Variants in POTED observed in about 807,000 individuals in gnomAD.
The protein encoded by POTED is POTE ankyrin domain family member D.
POTED carries 7 observed loss-of-function variants against 19.0 expected under a neutral mutation model. The ratio of observed to expected loss-of-function variants is 0.37; its 90% CI spans 0.21 to 0.69. The LOEUF is 0.69. POTED is among the 30% of genes least tolerant of loss of function. The probability of loss-of-function intolerance (pLI) is 0.56; values close to 1 mark genes in which losing one functional copy is unlikely to be tolerated. For missense variants in POTED, 54 were observed against 278.5 expected (o/e 0.19, Z 5.74); for synonymous variants, 16 against 92.0 (o/e 0.17, Z 4.73).
chr21:13,637,004 A>ATATTTT (rs1481200854), intron 9 of POTED, among the ~76,000 whole-genome samples: 1 of 16,468 alleles, frequency 6.1e-5, no homozygotes, highest in Non-Finnish European at 9.7e-5. Context: ...ATATATATAT[A>ATATTTT]TTTTTTTTTT....
Position 13,637,564 on chromosome 21 carries a change from A to G in POTED, c.1410-1951A>G, listed in dbSNP as rs554803704. ...TTCATAATTTGCCCATATTTTCCCC[A>G]TTGTATAGGTTGTTGGCTCACTTTG... is the stretch of plus-strand genomic sequence containing the variant. On this transcript the variant is annotated intron_variant, in intron 9 of 10. Transcript: ENST00000299443. Among the ~76,000 whole-genome samples the G allele has an allele frequency of 2.7e-3, 173 of 63,666 alleles. 53 individuals carry two copies. Among genetic ancestry groups the G allele is most frequent in the South Asian group, 3.6e-3 (7 of 1,956 alleles). The allele number at this position is 63,666 out of a possible 152,430, so 41.8% of individuals were successfully genotyped here.
Position 13,612,874 on chromosome 21 carries a change from G to GA in POTED, c.521+2131dup, listed in dbSNP as rs2011146212. Among the ~76,000 whole-genome samples, 2 of 76,310 alleles carry GA rather than the reference G, an allele frequency of 2.6e-5. 1 individual carries two copies. Among genetic ancestry groups the GA allele is most frequent in the Non-Finnish European group, 4.5e-5 (2 of 44,096 alleles). The allele number at this position is 76,310 out of a possible 152,430, so 50.1% of individuals were successfully genotyped here. ...AGATGTACTTTGCTATATCAAGTGAGAAAAAATCAGTTTGTTATACATATA... is the reference window on the plus strand; with the variant it reads ...AGATGTACTTTGCTATATCAAGTGAGAAAAAAATCAGTTTGTTATACATATA... On this transcript the variant is annotated intron_variant, in intron 1 of 10. Coordinates refer to ENST00000299443, the MANE Select transcript of POTED (RefSeq NM_174981.6).
chr21:13,637,142 G>T lies in POTED; in HGVS notation c.1410-2373G>T, dbSNP rs555350662. ...GAGAGTATGATTTCTTTTATTTTGG[G>T]TAGGTATCCAGAAATGAGAACGCTG... On this transcript the variant is annotated intron_variant, in intron 9 of 10. Transcript: ENST00000299443. Among the ~76,000 whole-genome samples, 28 of 71,092 alleles carry T rather than the reference G, an allele frequency of 3.9e-4. 8 individuals carry two copies. In the South Asian group the frequency reaches 0.01, roughly 25 times the overall value. 46.6% of individuals were successfully genotyped at this position (71,092 alleles called of 152,430 possible). A position where few individuals can be genotyped will look rare whatever the true frequency, so the allele number is the denominator to read the frequency against.
chr21:13,610,692 A>C lies in POTED; in HGVS notation c.464A>C (p.Lys155Thr), dbSNP rs1231948188. The C allele has an allele frequency of 1.9e-6, 2 of 1,076,014 alleles. 1 individual carries two copies. Among genetic ancestry groups the C allele is most frequent in the East Asian group, 1.5e-4 (2 of 13,586 alleles). 66.7% of individuals were successfully genotyped at this position (1,076,014 alleles called of 1,614,324 possible). The change falls in exon 1 of 11, where the codon AAG becomes ACG. Residue 155 changes from lysine (K) to threonine (T), a missense_variant. Physicochemically the swap from Lys to Thr is moderately conservative, Grantham distance 78. This residue lies in a region of POTED where 38 missense variants were observed against 163.8 expected (regional missense o/e 0.23). Transcript: ENST00000299443. ...RAAWWGKVPR[K>T]DLIVMLRDTD... ...GCCTGGTGGGGTAAAGTCCCCAGAA[A>C]GGATCTCATCGTCATGCTCAGGGAC... is the stretch of plus-strand genomic sequence containing the variant.
At chr21:13,629,742 T>G (rs1321463857) in intron 7 of POTED, 114 bp from the exon 8 acceptor site, 2 of 105,912 alleles carry the variant, frequency 1.9e-5, no homozygotes, top group Non-Finnish European at 4.1e-5. Flanking sequence ...TTTCTAATTT[T>G]TCATGTCCAT....
chr21:13,612,496 AATAAAT>A (rs1171027129), intron 1 of POTED, among the ~76,000 whole-genome samples: 2 of 81,850 alleles, frequency 2.4e-5, no homozygotes, highest in Non-Finnish European at 4.3e-5. Flanking sequence ...AAAATAAATA[AATAAAT>A]ATAAAGGAAT....
Position 13,645,375 on chromosome 21 carries a change from A to G in POTED, c.*3809A>G, listed in dbSNP as rs1023663831. ...CAACATCACCTGCAAAGGGAATTCC[A>G]TCAGATTTAGCAGACCTCTCAACTG... On this transcript the variant is annotated 3_prime_UTR_variant, in exon 11 of 11. Transcript: ENST00000299443. Among the ~76,000 whole-genome samples, 1 of 131,674 alleles carries G rather than the reference A, an allele frequency of 7.6e-6. No homozygotes were observed. The highest frequency in any genetic ancestry group is 1.6e-5 in the Non-Finnish European group (1 of 61,198). The allele number at this position is 131,674 out of a possible 152,430, so 86.4% of individuals were successfully genotyped here.
intron 1 of POTED, among the ~76,000 whole-genome samples, chr21:13,612,235 G>T (rs2011143897): frequency 1.5e-5 from 1 of 68,472 alleles, no homozygotes; most frequent in South Asian, 4.5e-4. Context: ...ACTTTGGGAG[G>T]CCAAGGCAAG....
Position 13,643,281 on chromosome 21 carries a change from G to C in POTED, c.*1715G>C, listed in dbSNP as rs1489527835. On this transcript the variant is annotated 3_prime_UTR_variant, in exon 11 of 11. Transcript: ENST00000299443. ...GACAAGGAAAGTGGTGGAGCAGCAA[G>C]TCAGCTGATGTGGAGCCCGGAGGGC... Among the ~76,000 whole-genome samples, 4 of 35,764 alleles carry C rather than the reference G, an allele frequency of 1.1e-4. 1 individual carries two copies. The highest frequency in any genetic ancestry group is 1.7e-4 in the Non-Finnish European group (4 of 23,082). 23.5% of individuals were successfully genotyped at this position (35,764 alleles called of 152,430 possible). A position where few individuals can be genotyped will look rare whatever the true frequency, so the allele number is the denominator to read the frequency against.
chr21:13,631,487 C>G (rs536812262), intron 9 of POTED, among the ~76,000 whole-genome samples: 1 of 78,440 alleles, frequency 1.3e-5, no homozygotes, highest in Non-Finnish European at 2.2e-5. Context: ...GGTCATCTCC[C>G]TCCTGCCACA....
rs1382187703 is a variant in POTED at position 13,629,653 on chromosome 21, T to C, written c.1198-203T>C. ...CAGAAGCCAATGATGTGGCAGTTGCTAAACATAGATTAAAAAATTAATTCT... is the reference window on the plus strand; with the variant it reads ...CAGAAGCCAATGATGTGGCAGTTGCCAAACATAGATTAAAAAATTAATTCT... On this transcript the variant is annotated intron_variant, in intron 7 of 10. Coordinates refer to ENST00000299443, the MANE Select transcript of POTED (RefSeq NM_174981.6). 2.0e-5 allele frequency among the ~76,000 whole-genome samples: 2 copies of C among 97,698 alleles called. 1 individual carries two copies. Among genetic ancestry groups the C allele is most frequent in the Non-Finnish European group, 4.0e-5 (2 of 49,494 alleles). 64.1% of individuals were successfully genotyped at this position (97,698 alleles called of 152,430 possible).
intron 9 of POTED, among the ~76,000 whole-genome samples, chr21:13,636,992 G>A (rs1191396927): frequency 7.6e-5 from 1 of 13,084 alleles, no homozygotes; most frequent in Non-Finnish European, 1.2e-4. Context: ...CCAGTCTCAG[G>A]TATATATATA....
At position 13,639,707 on chromosome 21, in the gene POTED, G is replaced by C. The variant is rs1263996861; in HGVS notation, c.1533+69G>C. 2.8e-5 allele frequency: 14 copies of C among 508,500 alleles called. 4 individuals carry two copies. The highest frequency in any genetic ancestry group is 3.2e-5 in the Non-Finnish European group (12 of 372,672). 31.5% of individuals were successfully genotyped at this position (508,500 alleles called of 1,614,324 possible). On this transcript the variant is annotated intron_variant, in intron 10 of 10. Coordinates refer to ENST00000299443, the MANE Select transcript of POTED (RefSeq NM_174981.6). Reference sequence around the variant, plus strand: ...ATTTTTAAAAAGCTTTATTTTGGAAGGTATAAAGGATTTTTAAATCACATA... The same window carrying C: ...ATTTTTAAAAAGCTTTATTTTGGAACGTATAAAGGATTTTTAAATCACATA...
In POTED at chr21:13,616,197, T is replaced by G. The variant is rs1297846100; in HGVS notation, c.810+627T>G. ...TGTTACTGTTGTTCATTCATTTGTT[T>G]CCTTTATATGGTGAGACAGGGTTCT... On this transcript the variant is annotated intron_variant, in intron 3 of 10. Coordinates refer to ENST00000299443, the MANE Select transcript of POTED (RefSeq NM_174981.6). 3.3e-5 allele frequency among the ~76,000 whole-genome samples: 3 copies of G among 90,844 alleles called. 1 individual carries two copies. The highest frequency in any genetic ancestry group is 1.6e-4 in the African/African-American group (3 of 18,916). The allele number at this position is 90,844 out of a possible 152,430, so 59.6% of individuals were successfully genotyped here. A position where few individuals can be genotyped will look rare whatever the true frequency, so the allele number is the denominator to read the frequency against.
In POTED at chr21:13,645,114, T is replaced by C. The variant is rs545110258; in HGVS notation, c.*3548T>C. On this transcript the variant is annotated 3_prime_UTR_variant, in exon 11 of 11. Coordinates refer to ENST00000299443, the MANE Select transcript of POTED (RefSeq NM_174981.6). ...GGGATTATATAAACGACCAAATCTA[T>C]GACTGATTAATGTACCTGAAAGAGA... is the stretch of plus-strand genomic sequence containing the variant. Among the ~76,000 whole-genome samples, 6 of 128,446 alleles carry C rather than the reference T, an allele frequency of 4.7e-5. No individual in the cohort carries two copies. The highest frequency in any genetic ancestry group is 1.5e-4 in the Admixed American group (2 of 13,444). The allele number at this position is 128,446 out of a possible 152,430, so 84.3% of individuals were successfully genotyped here.
At position 13,640,513 on chromosome 21, in the gene POTED, T is replaced by C; in HGVS notation, c.1534-832T>C. ...AAGACCTGGCAAAAATCCTGCACGT[T>C]GCATATATACGTGTGTGTGTGTGTG... On this transcript the variant is annotated intron_variant, in intron 10 of 10. Coordinates refer to ENST00000299443, the MANE Select transcript of POTED (RefSeq NM_174981.6). 2.4e-5 allele frequency among the ~76,000 whole-genome samples: 2 copies of C among 81,708 alleles called. 1 individual carries two copies. Among genetic ancestry groups the C allele is most frequent in the East Asian group, 1.2e-3 (2 of 1,632 alleles). The allele number at this position is 81,708 out of a possible 152,430, so 53.6% of individuals were successfully genotyped here.
In POTED at chr21:13,609,982, G is replaced by T. The variant is rs1369338211; in HGVS notation, c.-247G>T. On this transcript the variant is annotated 5_prime_UTR_variant, in exon 1 of 11. Transcript: ENST00000299443. ...ACTGGGCTGGGTGTTTCCTTCGGAG[G>T]GGGGGCTTGGCCTTTCCTGGGGTGG... is the stretch of plus-strand genomic sequence containing the variant. 1.2e-5 allele frequency: 4 copies of T among 324,680 alleles called. No homozygotes were observed. Among genetic ancestry groups the T allele is most frequent in the South Asian group, 3.5e-5 (1 of 28,454 alleles). 20.1% of individuals were successfully genotyped at this position (324,680 alleles called of 1,614,324 possible).
intron 1 of POTED, among the ~76,000 whole-genome samples, chr21:13,614,099 A>C (rs1166647650): frequency 3.7e-5 from 4 of 107,348 alleles, no homozygotes; most frequent in South Asian, 5.7e-4. Context: ...AAGCTCCACA[A>C]ATAGTTTCAT....
At chr21:13,614,135 T>C (rs1207612465) in intron 1 of POTED, among the ~76,000 whole-genome samples, 1 of 111,062 alleles carries the variant, frequency 9.0e-6, no homozygotes, top group Non-Finnish European at 1.8e-5. Flanking sequence ...AGAGAAAATT[T>C]ATAACAGTCT....
Sources: allele counts gnomAD v4.1 joint callset (sites outside exome capture counted in the v4.1 genomes callset), GRCh38; gene constraint gnomAD v4.1.1; regional missense constraint gnomAD v4.1.1; transcripts MANE v1.5; gene names NCBI Gene and HGNC (gene_info 2026-07-23, HGNC 2026-07-21).